Variants in ZNF584 observed in about 807,000 individuals in gnomAD.
ZNF584 encodes zinc finger protein 584.
ZNF584 carries 12 observed loss-of-function variants against 14.7 expected under a neutral mutation model. That is an observed-to-expected ratio of 0.82 (90% CI 0.52 to 1.32). ZNF584 has a LOEUF of 1.32. Ranked by LOEUF, ZNF584 falls within the 40% of genes most tolerant of loss-of-function variation. The pLI is 0.00. For synonymous variants in ZNF584, 204 were observed against 190.9 expected (o/e 1.07, Z -0.57); for missense variants, 478 against 518.8 (o/e 0.92, Z 0.76).
At chr19:58,405,414 CCCGGACGGGGCGGCTGG>C (rs2052462582), upstream of ZNF584, 1 of 78,000 alleles carries the variant, frequency 1.3e-5, no homozygotes, top group African/African-American at 7.0e-5. Context: ...CCACCTCCCT[CCCGGACGGGGCGGCTGG>C]CCGGGCGGGG....
chr19:58,416,799 C>T lies in ZNF584; in HGVS notation c.293-12C>T. On this transcript the variant is annotated splice_polypyrimidine_tract_variant and intron_variant, in intron 3 of 3. Coordinates refer to ENST00000306910, the MANE Select transcript of ZNF584 (RefSeq NM_173548.3). ...AGTTCAACTCTTAGTAATGATTCATCTCTGCTTTCAGATGGTTTGTGTAGA... is the reference window on the plus strand; with the variant it reads ...AGTTCAACTCTTAGTAATGATTCATTTCTGCTTTCAGATGGTTTGTGTAGA... 6.5e-7 allele frequency: 1 copy of T among 1,527,994 alleles called. No homozygotes were observed. The highest frequency in any genetic ancestry group is 8.8e-7 in the Non-Finnish European group (1 of 1,139,482). The allele number at this position is 1,527,994 out of a possible 1,614,324, so 94.7% of individuals were successfully genotyped here.
intron 1 of ZNF584, among the ~76,000 whole-genome samples, chr19:58,402,386 G>C (rs1230553859): frequency 6.6e-6 from 1 of 152,200 alleles, no homozygotes; most frequent in Non-Finnish European, 1.5e-5. Flanking sequence ...CCAGGGGGAT[G>C]GGTGCTTTCA....
upstream of ZNF584, chr19:58,408,307 G>C (rs908831801): frequency 7.9e-5 from 12 of 152,284 alleles, no homozygotes; most frequent in Non-Finnish European, 1.3e-4. Context: ...CCATGGGGCC[G>C]CCCCTCCACT....
rs2052650009 is a variant in ZNF584, at chr19:58,416,915, C to T, written c.397C>T (p.His133Tyr). Reference sequence around the variant, plus strand: ...TCATAGTGAGGGGAAACCAAGAAGGCACACTGAGCATGGGGCAGCTTTCCC... The same window carrying T: ...TCATAGTGAGGGGAAACCAAGAAGGTACACTGAGCATGGGGCAGCTTTCCC... ...DTHSEGKPRR[H>Y]TEHGAAFPPG... Residue 133 changes from histidine to tyrosine, a missense_variant, in exon 4 of 4, where the codon CAC (histidine) becomes TAC (tyrosine). His to Tyr is a moderately conservative substitution (Grantham distance 83). Coordinates refer to ENST00000306910, the MANE Select transcript of ZNF584 (RefSeq NM_173548.3). 2 of 1,612,974 alleles carry T rather than the reference C, an allele frequency of 1.2e-6. No individual in the cohort carries two copies. Among genetic ancestry groups the T allele is most frequent in the South Asian group, 1.1e-5 (1 of 90,892 alleles).
chr19:58,417,869 C>G lies in ZNF584; in HGVS notation c.*85C>G. The G allele has an allele frequency of 2.7e-6, 4 of 1,491,216 alleles. No homozygotes were observed. In the East Asian group the frequency reaches 9.1e-5, roughly 34 times the overall value. 92.4% of individuals were successfully genotyped at this position (1,491,216 alleles called of 1,614,324 possible). Reference sequence around the variant, plus strand: ...GAGTGCCATCCGAAAGAAGCTAAACCTTGCACATCCCAACACCCACCCCAG... The same window carrying G: ...GAGTGCCATCCGAAAGAAGCTAAACGTTGCACATCCCAACACCCACCCCAG... On this transcript the variant is annotated 3_prime_UTR_variant, in exon 4 of 4. Coordinates refer to ENST00000306910, the MANE Select transcript of ZNF584 (RefSeq NM_173548.3).
At position 58,408,654 on chromosome 19, in the gene ZNF584, G is replaced by T. The variant is rs1334323919; in HGVS notation, c.-494G>T. 1 of 155,090 alleles carries T rather than the reference G, an allele frequency of 6.4e-6. No individual in the cohort carries two copies. Among genetic ancestry groups the T allele is most frequent in the Non-Finnish European group, 1.4e-5 (1 of 69,830 alleles). The allele number at this position is 155,090 out of a possible 1,614,324, so 9.6% of individuals were successfully genotyped here. ...TAGCGGCGCCCTCCCTTATCGCCTT[G>T]GCAACGACCCAGCCGCGCCGCGAGG... is the stretch of plus-strand genomic sequence containing the variant. On this transcript the variant is annotated 5_prime_UTR_variant, in exon 1 of 4. Coordinates refer to ENST00000306910, the MANE Select transcript of ZNF584 (RefSeq NM_173548.3).
At chr19:58,410,693 GTA>G (rs1200514139) in intron 2 of ZNF584, among the ~76,000 whole-genome samples, 789 of 41,874 alleles carry the variant, frequency 0.019, 163 homozygotes, top group Middle Eastern at 0.047. Context: ...ATGTATATAT[GTA>G]TATATATATG....
upstream of ZNF584, chr19:58,404,747 G>C (rs991873911): frequency 3.3e-5 from 7 of 213,614 alleles, no homozygotes; most frequent in Non-Finnish European, 6.6e-5. Flanking sequence ...CGAGCTGTTG[G>C]GTACACCTCC....
In ZNF584 at chr19:58,409,003, A is replaced by T; in HGVS notation, c.-145A>T. On this transcript the variant is annotated 5_prime_UTR_variant, in exon 1 of 4. Transcript: ENST00000306910. ...CGTCCTCCTTCCCAGCGGCTCCGGG[A>T]AGCGGTTCCCTGTCTTCGGACGCAT... The T allele has an allele frequency of 9.4e-7, 1 of 1,066,756 alleles. No homozygotes were observed. Among genetic ancestry groups the T allele is most frequent in the Non-Finnish European group, 1.3e-6 (1 of 779,212 alleles). The allele number at this position is 1,066,756 out of a possible 1,614,324, so 66.1% of individuals were successfully genotyped here.
At chr19:58,409,288 C>G (rs766086959) in intron 1 of ZNF584, 123 bp downstream of exon 1, 1 of 1,154,370 alleles carries the variant, frequency 8.7e-7, no homozygotes, top group Non-Finnish European at 1.1e-6. Flanking sequence ...CTTTGATGCA[C>G]GGCTGGGGCA....
At chr19:58,410,120 A>C in intron 2 of ZNF584, 29 bp downstream of exon 2, 1 of 1,574,202 alleles carries the variant, frequency 6.4e-7, no homozygotes, top group Non-Finnish European at 8.6e-7. Context: ...CCCCCAGCAC[A>C]CTGACTACCC....
In ZNF584 at chr19:58,417,612, C is replaced by T. The variant is rs1568590093; in HGVS notation, c.1094C>T (p.Thr365Ile). 2 of 1,614,154 alleles carry T rather than the reference C, an allele frequency of 1.2e-6. No individual in the cohort carries two copies. The highest frequency in any genetic ancestry group is 1.7e-6 in the Non-Finnish European group (2 of 1,180,036). Residue 365 changes from threonine (T) to isoleucine (I), a missense_variant, in exon 4 of 4, where the codon ACC becomes ATC. Thr to Ile is a moderately conservative substitution (Grantham distance 89). This residue lies in a region of ZNF584 where 283 missense variants were observed against 317.3 expected (regional missense o/e 0.89). Transcript: ENST00000306910. ...ECSLCGKTFT[T>I]RSYRNRHQQF... ...AGCCTGTGTGGGAAAACCTTCACTACCAGATCCTACCGCAATCGGCACCAG... is the reference window on the plus strand; with the variant it reads ...AGCCTGTGTGGGAAAACCTTCACTATCAGATCCTACCGCAATCGGCACCAG...
intron 2 of ZNF584, among the ~76,000 whole-genome samples, chr19:58,415,095 G>C (rs1019020187): frequency 6.6e-6 from 1 of 151,870 alleles, no homozygotes; most frequent in Non-Finnish European, 1.5e-5. Context: ...GGGTTTCACC[G>C]TGTTAGCCAG....
chr19:58,411,424 G>T (rs2052570662), intron 2 of ZNF584, among the ~76,000 whole-genome samples: 1 of 151,584 alleles, frequency 6.6e-6, no homozygotes, highest in Non-Finnish European at 1.5e-5. Flanking sequence ...TACTAGGGAA[G>T]CTGAGGCAGG....
At position 58,417,281 on chromosome 19, in the gene ZNF584, G is replaced by A. The variant is rs1276858855; in HGVS notation, c.763G>A (p.Asp255Asn). The change falls in exon 4 of 4, where the codon GAC becomes AAC. Residue 255 changes from aspartate (D) to asparagine (N), a missense_variant. Around this residue, in one of 3 missense-constraint regions of ZNF584, gnomAD observed 283 missense variants for 317.3 expected, o/e 0.89. Transcript: ENST00000306910. Reference sequence around the variant, plus strand: ...CTGTGGTAAAACCTTCAACCGCAAAGACGCACTTGTTCTACACCAGAGGAT... The same window carrying A: ...CTGTGGTAAAACCTTCAACCGCAAAAACGCACTTGTTCTACACCAGAGGAT... ...SDCGKTFNRKDALVLHQRIHT... is the reference protein window; with the variant it reads ...SDCGKTFNRKNALVLHQRIHT... 6.2e-7 allele frequency: 1 copy of A among 1,614,056 alleles called. No homozygotes were observed. Among genetic ancestry groups the A allele is most frequent in the African/African-American group, 1.3e-5 (1 of 74,906 alleles).
At chr19:58,411,099 C>T (rs1040986347) in intron 2 of ZNF584, among the ~76,000 whole-genome samples, 159 of 151,820 alleles carry the variant, frequency 1.0e-3, no homozygotes, top group African/African-American at 3.7e-3. Flanking sequence ...CACAAAGGTA[C>T]TTCTTTCGTT....
Position 58,417,555 on chromosome 19 carries a change from A to G in ZNF584, c.1037A>G (p.Lys346Arg). ...CGTTCAGGCCTCTATCAGCACTGGA[A>G]AGTCCACACTGGGGAACGGCCCTAT... The part of the protein sequence containing the change: ...VTRSGLYQHW[K>R]VHTGERPYEC... Residue 346 changes from lysine (K) to arginine (R), a missense_variant, in exon 4 of 4, where the codon AAA becomes AGA. Coordinates refer to ENST00000306910, the MANE Select transcript of ZNF584 (RefSeq NM_173548.3). 6.2e-7 allele frequency: 1 copy of G among 1,614,198 alleles called. No homozygotes were observed. The highest frequency in any genetic ancestry group is 8.5e-7 in the Non-Finnish European group (1 of 1,180,044).
In ZNF584 at chr19:58,417,238, A is replaced by G; in HGVS notation, c.720A>G (p.Lys240=). The G allele has an allele frequency of 6.2e-7, 1 of 1,614,088 alleles. No individual in the cohort carries two copies. The highest frequency in any genetic ancestry group is 1.7e-5 in the Admixed American group (1 of 60,006). ...RKHQKVHTGI[K]PFKCSDCGKT... ...ACCAGAAGGTTCACACAGGCATAAA[A>G]CCTTTTAAGTGTAGTGACTGTGGTA... The change falls in exon 4 of 4, where the codon AAA becomes AAG. Residue 240 remains lysine (K), a synonymous_variant. Transcript: ENST00000306910.
chr19:58,408,532 C>T (rs900382728), upstream of ZNF584: 2 of 152,436 alleles, frequency 1.3e-5, no homozygotes, highest in Admixed American at 1.3e-4. Flanking sequence ...AGGGCCCGCC[C>T]GAACGTTCCC....
Sources: gnomAD v4.1 joint callset for allele counts (sites outside exome capture counted in the v4.1 genomes callset) on GRCh38, gnomAD v4.1.1 for gene constraint, gnomAD v4.1.1 regional missense constraint, MANE v1.5 for transcripts, NCBI Gene and HGNC (gene_info 2026-07-23, HGNC 2026-07-21) for gene names.